The following GPD2 variants were observed in gnomAD, a reference collection of about 807,000 sequenced individuals.
GPD2 encodes glycerol-3-phosphate dehydrogenase, mitochondrial.
GPD2 carries 54 observed loss-of-function variants against 82.4 expected under a neutral mutation model. The observed-to-expected ratio is 0.66, with a 90% CI of 0.53 to 0.82. The LOEUF (loss-of-function observed/expected upper bound fraction) is 0.82, where lower values mean the gene tolerates loss of function less well. GPD2 is among the 40% of genes least tolerant of loss of function. The probability of loss-of-function intolerance (pLI) is 0.00; values close to 1 mark genes in which losing one functional copy is unlikely to be tolerated. For synonymous variants in GPD2, 288 were observed against 306.1 expected (o/e 0.94, Z 0.62); for missense variants, 748 against 896.2 (o/e 0.83, Z 2.11).
At chr2:156,406,982 G>A in the GPD2 span, among the ~76,000 whole-genome samples, 1 of 152,188 alleles carries the variant, frequency 6.6e-6, no homozygotes, top group East Asian at 1.9e-4. Context: ...AGGCCAAGAC[G>A]GGCAGATCAC....
intron 1 of GPD2, among the ~76,000 whole-genome samples, chr2:156,464,764 C>T (rs1017843415): frequency 3.2e-4 from 49 of 152,094 alleles, no homozygotes; most frequent in Admixed American, 1.6e-3. Flanking sequence ...ATTTCTTAAA[C>T]CATCTTCAAC....
At chr2:156,488,961 G>A (rs557214368) in intron 2 of GPD2, among the ~76,000 whole-genome samples, 47 of 152,196 alleles carry the variant, frequency 3.1e-4, no homozygotes, top group African/African-American at 1.1e-3. Context: ...TTTTGTGTTT[G>A]GGAGCTGTGG....
chr2:156,507,625 A>T lies in GPD2; in HGVS notation c.275-3171A>T, dbSNP rs1328763982. Among the ~76,000 whole-genome samples, 7 of 152,232 alleles carry T rather than the reference A, an allele frequency of 4.6e-5. No homozygotes were observed. In the East Asian group the frequency reaches 1.2e-3, roughly 25 times the overall value. ...ATGTGAGCCACTCACACCTGGCCAC[A>T]TCTTGTTTTTTTCTGATGAAACATT... On this transcript the variant is annotated intron_variant, in intron 3 of 16. Transcript: ENST00000438166.
chr2:156,523,475 C>T (rs1280717943), intron 6 of GPD2, among the ~76,000 whole-genome samples: 1 of 152,092 alleles, frequency 6.6e-6, no homozygotes, highest in Non-Finnish European at 1.5e-5. Flanking sequence ...ATAAAATTAA[C>T]TTTCAATTTT....
chr2:156,552,783 C>T (rs931953088), intron 8 of GPD2, among the ~76,000 whole-genome samples: 25 of 151,632 alleles, frequency 1.6e-4, no homozygotes, highest in Admixed American at 1.5e-3. Context: ...AGAGATTGTT[C>T]GCAGAATTAA....
At position 156,571,216 on chromosome 2, in the gene GPD2, A is replaced by G; in HGVS notation, c.1691A>G (p.Gln564Arg). ...ACTCGCCTGGCCTTTCTAAATGTCC[A>G]GGCAGCAGAGGAAGCCCTACCCAGG... Reference protein sequence around the residue: ...RRTRLAFLNVQAAEEALPRIV... With the variant: ...RRTRLAFLNVRAAEEALPRIV... The change falls in exon 13 of 17, where the codon CAG becomes CGG. Residue 564 changes from glutamine (Q) to arginine (R), a missense_variant. Gln to Arg is a conservative substitution (Grantham distance 43). Coordinates refer to ENST00000438166, the MANE Select transcript of GPD2 (RefSeq NM_000408.5). The G allele has an allele frequency of 1.2e-6, 2 of 1,611,842 alleles. No homozygotes were observed. The highest frequency in any genetic ancestry group is 1.3e-5 in the African/African-American group (1 of 74,992).
At chr2:156,491,907 C>T (rs1055649049) in intron 2 of GPD2, among the ~76,000 whole-genome samples, 4 of 151,430 alleles carry the variant, frequency 2.6e-5, no homozygotes, top group Non-Finnish European at 5.9e-5. Context: ...GTAATCCCAG[C>T]TACTCAGGAG....
intron 13 of GPD2, among the ~76,000 whole-genome samples, chr2:156,573,893 G>A (rs77998564): frequency 0.031 from 4,675 of 152,184 alleles, 253 homozygotes; most frequent in African/African-American, 0.11. Context: ...AGAGGAACAA[G>A]GTGATAAATA....
intron 2 of GPD2, among the ~76,000 whole-genome samples, chr2:156,481,031 AT>A (rs1318615975): frequency 1.3e-5 from 2 of 151,986 alleles, no homozygotes; most frequent in African/African-American, 4.8e-5. Flanking sequence ...TGTGCCATTC[AT>A]AAGCAACGGA....
the GPD2 span, among the ~76,000 whole-genome samples, chr2:156,410,711 T>C: frequency 5.7e-4 from 87 of 152,326 alleles, no homozygotes; most frequent in African/African-American, 1.8e-3. Context: ...GTTTTACTCA[T>C]GTATGGCAAA....
chr2:156,514,134 T>A (rs1021803328), intron 6 of GPD2, among the ~76,000 whole-genome samples: 1 of 151,984 alleles, frequency 6.6e-6, no homozygotes, highest in Admixed American at 6.6e-5. Context: ...TCATTCTTTT[T>A]TTTTTTTTTT....
At chr2:156,432,516 G>A (rs945954173), upstream of GPD2, among the ~76,000 whole-genome samples, 4 of 152,088 alleles carry the variant, frequency 2.6e-5, no homozygotes, top group South Asian at 2.1e-4. Flanking sequence ...TTGGTTTTCC[G>A]TTCCTACATT....
intron 2 of GPD2, among the ~76,000 whole-genome samples, chr2:156,485,945 C>G (rs1399420506): frequency 1.3e-5 from 2 of 152,178 alleles, no homozygotes; most frequent in Non-Finnish European, 2.9e-5. Context: ...ATTCATTTGC[C>G]TCTCTTATTT....
At chr2:156,487,327 A>AT (rs1052487999) in intron 2 of GPD2, among the ~76,000 whole-genome samples, 5 of 152,104 alleles carry the variant, frequency 3.3e-5, no homozygotes, top group African/African-American at 1.2e-4. Flanking sequence ...TAAAAAAAAA[A>AT]AGTGCTATTT....
chr2:156,485,291 A>G (rs1434236535), intron 2 of GPD2, among the ~76,000 whole-genome samples: 1 of 152,228 alleles, frequency 6.6e-6, no homozygotes, highest in Non-Finnish European at 1.5e-5. Flanking sequence ...GAAGGAACTC[A>G]TGGTTGAGTC....
At chr2:156,496,343 A>T in intron 3 of GPD2, 128 bp downstream of exon 3, 1 of 671,856 alleles carries the variant, frequency 1.5e-6, no homozygotes, top group African/African-American at 1.8e-5. Flanking sequence ...ACCTAGGTAC[A>T]AGCTCAGCAT....
At chr2:156,461,922 T>A (rs189018448) in intron 1 of GPD2, among the ~76,000 whole-genome samples, 196 of 152,332 alleles carry the variant, frequency 1.3e-3, no homozygotes, top group African/African-American at 4.6e-3. Context: ...CTTGGGTAGG[T>A]CCTTCACGGA....
chr2:156,447,562 T>C (rs575804668), intron 1 of GPD2, among the ~76,000 whole-genome samples: 20 of 152,142 alleles, frequency 1.3e-4, no homozygotes, highest in Non-Finnish European at 2.2e-4. Context: ...CTTGAACTCC[T>C]GGGCTTGAGC....
At chr2:156,513,265 G>A (rs1685067845) in intron 5 of GPD2, 68 bp from the exon 6 acceptor site, 1 of 1,091,460 alleles carries the variant, frequency 9.2e-7, no homozygotes, top group Non-Finnish European at 1.4e-6. Flanking sequence ...GTGTCTTGTA[G>A]TGTAAGGTAA....
Sources: allele counts gnomAD v4.1 joint callset (sites outside exome capture counted in the v4.1 genomes callset), GRCh38; gene constraint gnomAD v4.1.1; transcripts MANE v1.5; gene names NCBI Gene and HGNC (gene_info 2026-07-23, HGNC 2026-07-21).